The following CDH11 variants were observed in gnomAD, a reference collection of about 807,000 sequenced individuals.
CDH11 encodes cadherin 11, also known as cadherin-11.
CDH11 carries 11 observed loss-of-function variants against 67.8 expected under a neutral mutation model. The observed-to-expected ratio is 0.16, with a 90% confidence interval of 0.10 to 0.27. CDH11 has a LOEUF of 0.27. Ranked by LOEUF, CDH11 falls within the 10% of genes least tolerant of loss-of-function variation. CDH11 has a pLI of 1.00. For missense variants in CDH11, 847 were observed against 1,031.2 expected (o/e 0.82, Z 2.45); for synonymous variants, 419 against 400.0 (o/e 1.05, Z -0.57).
intron 11 of CDH11, among the ~76,000 whole-genome samples, chr16:64,964,276 G>A (rs1278433136): frequency 6.6e-6 from 1 of 152,064 alleles, no homozygotes; most frequent in African/African-American, 2.4e-5. Flanking sequence ...ACCCTATATG[G>A]CACAGCCTAT....
At chr16:64,953,269 G>T (rs994487243) in intron 11 of CDH11, among the ~76,000 whole-genome samples, 376 of 148,252 alleles carry the variant, frequency 2.5e-3, no homozygotes, top group Middle Eastern at 0.011. Flanking sequence ...TCTATATATA[G>T]ATATATATAT....
chr16:64,976,969 G>T (rs1309997851), intron 8 of CDH11, among the ~76,000 whole-genome samples: 2 of 152,132 alleles, frequency 1.3e-5, no homozygotes, highest in Non-Finnish European at 2.9e-5. Context: ...GAGCCAGGAG[G>T]ATCACTTAAG....
chr16:65,012,259 C>T lies in CDH11; in HGVS notation c.-172-7218G>A, dbSNP rs371531207. Among the ~76,000 whole-genome samples the T allele has an allele frequency of 1.1e-4, 17 of 152,340 alleles. No homozygotes were observed. The East Asian group carries it at 2.3e-3, about 21-fold the overall frequency. ...ACTTCCATATCCACAACTTCCAATG[C>T]CTGGAGCTTCCATTCCCACTTTGGG... On this transcript the variant is annotated intron_variant, in intron 2 of 12. Coordinates refer to ENST00000268603, the MANE Select transcript of CDH11 (RefSeq NM_001797.4).
At chr16:65,002,220 T>C (rs1370362520) in intron 3 of CDH11, among the ~76,000 whole-genome samples, 1 of 152,016 alleles carries the variant, frequency 6.6e-6, no homozygotes, top group African/African-American at 2.4e-5. Context: ...TAGTTTTCCT[T>C]TCCCCTCTTT....
intron 4 of CDH11, among the ~76,000 whole-genome samples, chr16:64,994,595 C>G (rs1027656517): frequency 2.0e-5 from 3 of 152,084 alleles, no homozygotes; most frequent in African/African-American, 7.2e-5. Flanking sequence ...AAAGCCACAT[C>G]CAGCATCACA....
intron 2 of CDH11, among the ~76,000 whole-genome samples, chr16:65,031,696 G>C (rs2142623023): frequency 6.6e-6 from 1 of 152,252 alleles, no homozygotes; most frequent in East Asian, 1.9e-4. Context: ...ATACAGGCAG[G>C]AGGTGGATCA....
chr16:65,065,993 G>T (rs535616020), intron 1 of CDH11, among the ~76,000 whole-genome samples: 1 of 152,298 alleles, frequency 6.6e-6, no homozygotes, highest in South Asian at 2.1e-4. Flanking sequence ...CTTGCTTGTA[G>T]GGATTCACAT....
chr16:64,965,525 G>T (rs1013056763), intron 11 of CDH11, among the ~76,000 whole-genome samples: 1 of 152,096 alleles, frequency 6.6e-6, no homozygotes, highest in Non-Finnish European at 1.5e-5. Context: ...TAACACACAT[G>T]GAGCTGTTGT....
intron 1 of CDH11, among the ~76,000 whole-genome samples, chr16:65,114,175 G>A (rs551732449): frequency 6.6e-6 from 1 of 152,258 alleles, no homozygotes; most frequent in East Asian, 1.9e-4. Flanking sequence ...CTGTCATCAG[G>A]ACATTTAAGA....
chr16:65,075,794 G>A (rs928316101), intron 1 of CDH11, among the ~76,000 whole-genome samples: 1 of 152,190 alleles, frequency 6.6e-6, no homozygotes, highest in African/African-American at 2.4e-5. Flanking sequence ...CCAAATAGCT[G>A]TGTGACCTCA....
intron 11 of CDH11, 63 bp downstream of exon 11, chr16:64,971,516 A>AATGTAAACG: frequency 1.1e-6 from 1 of 904,214 alleles, no homozygotes; most frequent in South Asian, 1.4e-5. Context: ...TGTGCTATGC[A>AATGTAAACG]ATGTAAACGC....
rs747815775 is a variant in CDH11 at position 65,065,364 on chromosome 16, T to G, written c.-297-11436A>C. ...CAAACACATATAAGACTATTTTGAA[T>G]ACTAAATATGTGAAAAGGAGAAAGA... On this transcript the variant is annotated intron_variant, in intron 1 of 12. Coordinates refer to ENST00000268603, the MANE Select transcript of CDH11 (RefSeq NM_001797.4). Among the ~76,000 whole-genome samples the G allele has an allele frequency of 6.9e-4, 105 of 152,282 alleles. 1 individual carries two copies. The highest frequency in any genetic ancestry group is 1.1e-3 in the Non-Finnish European group (78 of 68,018).
chr16:65,053,062 C>T (rs779520533), intron 2 of CDH11, among the ~76,000 whole-genome samples: 9 of 152,118 alleles, frequency 5.9e-5, no homozygotes, highest in Non-Finnish European at 1.3e-4. Context: ...GGAGACGAGC[C>T]GTAGGCACTT....
intron 3 of CDH11, among the ~76,000 whole-genome samples, chr16:65,003,118 CATA>C (rs1046540191): frequency 6.8e-6 from 1 of 147,676 alleles, no homozygotes; most frequent in African/African-American, 2.5e-5. Context: ...GCCTTTGTCT[CATA>C]ATAATAATTT....
At chr16:65,067,248 ATTT>A (rs2074328238) in intron 1 of CDH11, among the ~76,000 whole-genome samples, 1 of 152,130 alleles carries the variant, frequency 6.6e-6, no homozygotes, top group African/African-American at 2.4e-5. Flanking sequence ...AATCCTTTGA[ATTT>A]TTACAGAACC....
chr16:64,982,061 T>C lies in CDH11; in HGVS notation c.1240A>G (p.Asn414Asp). ...RVHAKDPDAA[N>D]SPIRYSIDRH... ...ATCCGTCTGTACCTTATCGGGCTGT[T>C]GGCAGCATCAGGGTCTTTGGCATGC... is the stretch of plus-strand genomic sequence containing the variant. The change falls in exon 8 of 13, where the codon AAC becomes GAC. Residue 414 changes from asparagine to aspartate, a missense_variant. Asn to Asp is a conservative substitution (Grantham distance 23). Coordinates refer to ENST00000268603, the MANE Select transcript of CDH11 (RefSeq NM_001797.4). 1 of 1,612,730 alleles carries C rather than the reference T, an allele frequency of 6.2e-7. No individual in the cohort carries two copies. The highest frequency in any genetic ancestry group is 8.5e-7 in the Non-Finnish European group (1 of 1,179,232).
intron 1 of CDH11, among the ~76,000 whole-genome samples, chr16:65,058,225 AACAAAACAAC>A (rs1003680972): frequency 9.9e-5 from 15 of 152,226 alleles, no homozygotes; most frequent in Admixed American, 9.8e-4. Context: ...CTGTCTCAAA[AACAAAACAAC>A]ACAAAACAAA....
intron 11 of CDH11, among the ~76,000 whole-genome samples, chr16:64,952,286 C>T (rs1269207084): frequency 1.3e-5 from 2 of 152,238 alleles, no homozygotes; most frequent in Non-Finnish European, 2.9e-5. Flanking sequence ...ACATAACCTA[C>T]TCTTCTGTCA....
chr16:64,998,673 G>T lies in CDH11; in HGVS notation c.412C>A (p.Pro138Thr). 2 of 1,614,068 alleles carry T rather than the reference G, an allele frequency of 1.2e-6. No homozygotes were observed. Among genetic ancestry groups the T allele is most frequent in the Non-Finnish European group, 1.7e-6 (2 of 1,180,022 alleles). Residue 138 changes from proline to threonine, a missense_variant, in exon 4 of 13, where the codon CCA becomes ACA. By Grantham distance (38) the Pro-to-Thr change is conservative. Coordinates refer to ENST00000268603, the MANE Select transcript of CDH11 (RefSeq NM_001797.4). ...AQAVDRDTNR[P>T]LEPPSEFIVK... ...ATGAATTCCGACGGTGGCTCCAGTG[G>T]CCGATTGGTGTCCCTGTCCACCGCC...
Sources: allele counts gnomAD v4.1 joint callset (sites outside exome capture counted in the v4.1 genomes callset), GRCh38; gene constraint gnomAD v4.1.1; transcripts MANE v1.5; gene names NCBI Gene and HGNC (gene_info 2026-07-23, HGNC 2026-07-21).